The following KIF13A variants were observed in gnomAD, a reference collection of about 807,000 sequenced individuals.
The protein encoded by KIF13A is kinesin-like protein KIF13A.
In KIF13A, 79 loss-of-function variants were observed where a neutral mutation model predicts 212.2. The observed-to-expected ratio is 0.37, with a 90% confidence interval of 0.31 to 0.45. The LOEUF is 0.45. KIF13A is among the 20% of genes least tolerant of loss of function. The pLI is 1.00. For synonymous variants in KIF13A, 789 were observed against 808.6 expected, an observed-to-expected ratio of 0.98 and a Z score of 0.41; for missense variants, 1,901 against 2,209.0, an observed-to-expected ratio of 0.86 and a Z score of 2.79.
intron 16 of KIF13A, among the ~76,000 whole-genome samples, chr6:17,820,424 T>C (rs960545588): frequency 1.3e-5 from 2 of 152,150 alleles, no homozygotes; most frequent in African/African-American, 4.8e-5. Flanking sequence ...ACGGACAACT[T>C]TGATGACATT....
downstream of KIF13A, chr6:17,760,810 C>T (rs146219124): frequency 4.1e-4 from 664 of 1,605,418 alleles, 7 homozygotes; most frequent in East Asian, 0.013. Flanking sequence ...GGTGACCAGG[C>T]GAACAAAGAC....
chr6:17,847,893 CCT>C (rs1270032947), intron 9 of KIF13A, among the ~76,000 whole-genome samples: 2 of 152,048 alleles, frequency 1.3e-5, no homozygotes, highest in Admixed American at 6.6e-5. Context: ...CTCACCGCAA[CCT>C]CTGTCTCCCG....
chr6:17,837,178 T>C lies in KIF13A; in HGVS notation c.943-88A>G. 2.7e-6 allele frequency: 3 copies of C among 1,125,966 alleles called. No homozygotes were observed. The highest frequency in any genetic ancestry group is 3.9e-6 in the Non-Finnish European group (3 of 762,646). The allele number at this position is 1,125,966 out of a possible 1,614,324, so 69.7% of individuals were successfully genotyped here. A position where few individuals can be genotyped will look rare whatever the true frequency, so the allele number is the denominator to read the frequency against. ...GCACTAAATGTGTTAGGTATGACATTATTCTCTATGAAGGAAACATTATGT... is the reference window on the plus strand; with the variant it reads ...GCACTAAATGTGTTAGGTATGACATCATTCTCTATGAAGGAAACATTATGT... On this transcript the variant is annotated intron_variant, in intron 10 of 38. Transcript: ENST00000259711. This position sits in a 1 kb window ranked among gnomAD's most constrained non-coding sequence, Gnocchi z 5.4.
intron 3 of KIF13A, among the ~76,000 whole-genome samples, chr6:17,896,743 A>C (rs1287751161): frequency 6.6e-6 from 1 of 152,224 alleles, no homozygotes; most frequent in Non-Finnish European, 1.5e-5. Flanking sequence ...ACAAAGCAAT[A>C]GTGGTTTTTA....
At chr6:17,949,955 T>C (rs1435707412) in intron 2 of KIF13A, among the ~76,000 whole-genome samples, 2 of 152,126 alleles carry the variant, frequency 1.3e-5, no homozygotes, top group Non-Finnish European at 2.9e-5. Flanking sequence ...TCCTACAAAA[T>C]GCAGTCACAA....
At position 17,769,404 on chromosome 6, in the gene KIF13A, G is replaced by A. The variant is rs1211507482; in HGVS notation, c.4581+1710C>T. On this transcript the variant is annotated intron_variant, in intron 38 of 38. Transcript: ENST00000259711. This position sits in a 1 kb window ranked among gnomAD's most constrained non-coding sequence, Gnocchi z 5.8. ...CCAGCAAGAACAATAACACCATCAAGTCCTTCTTACTGTACTCCATGGTGC... is the reference window on the plus strand; with the variant it reads ...CCAGCAAGAACAATAACACCATCAAATCCTTCTTACTGTACTCCATGGTGC... Among the ~76,000 whole-genome samples, 2 of 152,112 alleles carry A rather than the reference G, an allele frequency of 1.3e-5. No individual in the cohort carries two copies. Among genetic ancestry groups the A allele is most frequent in the Admixed American group, 1.3e-4 (2 of 15,248 alleles).
At chr6:17,931,677 C>T (rs1342006703) in intron 2 of KIF13A, among the ~76,000 whole-genome samples, 4 of 152,178 alleles carry the variant, frequency 2.6e-5, no homozygotes, top group Admixed American at 1.3e-4. Flanking sequence ...TGCACCACCT[C>T]ACCTGGTTCC....
At chr6:17,851,880 A>G in intron 7 of KIF13A, 75 bp downstream of exon 7, 1 of 706,150 alleles carries the variant, frequency 1.4e-6, no homozygotes, top group Non-Finnish European at 2.2e-6. Context: ...GCATCCACAT[A>G]AAATATACTC....
intron 2 of KIF13A, among the ~76,000 whole-genome samples, chr6:17,932,953 A>T (rs78464413): frequency 0.015 from 2,307 of 152,280 alleles, 60 homozygotes; most frequent in African/African-American, 0.052. Context: ...CAGAGGAAAA[A>T]GTCAAGCTTT....
At position 17,834,250 on chromosome 6, in the gene KIF13A, G is replaced by A. The variant is rs181157325; in HGVS notation, c.1156-179C>T. The stretch of plus-strand genomic sequence containing the variant: ...CAAACGAATGTAAGAGAACATGGCT[G>A]TTCCCTGAAAAAGAAATACCAGTGT... On this transcript the variant is annotated intron_variant, in intron 11 of 38. Transcript: ENST00000259711. This position sits in a 1 kb window ranked among gnomAD's most constrained non-coding sequence, Gnocchi z 4.0. Among the ~76,000 whole-genome samples the A allele has an allele frequency of 6.6e-6, 1 of 152,286 alleles. No homozygotes were observed. The highest frequency in any genetic ancestry group is 1.9e-4 in the East Asian group (1 of 5,190).
intron 33 of KIF13A, among the ~76,000 whole-genome samples, chr6:17,778,228 G>A (rs1254492040): frequency 7.2e-5 from 11 of 152,204 alleles, no homozygotes; most frequent in Admixed American, 6.5e-4. Flanking sequence ...GGTGGACAGA[G>A]AAAATGTAGA....
chr6:17,807,106 C>T (rs554882770), intron 18 of KIF13A, among the ~76,000 whole-genome samples: 1 of 152,180 alleles, frequency 6.6e-6, no homozygotes, highest in South Asian at 2.1e-4. Context: ...GTTAACTATA[C>T]AAATTGATTA....
In KIF13A at chr6:17,809,737, A is replaced by G. The variant is rs1763270206; in HGVS notation, c.2001-807T>C. Among the ~76,000 whole-genome samples the G allele has an allele frequency of 6.6e-6, 1 of 152,162 alleles. No homozygotes were observed. Among genetic ancestry groups the G allele is most frequent in the African/African-American group, 2.4e-5 (1 of 41,426 alleles). ...ATTTCACATTTGAATCTGGGTTCTAAAGTCACTCCATCTAGCAATTGCTCT... is the reference window on the plus strand; with the variant it reads ...ATTTCACATTTGAATCTGGGTTCTAGAGTCACTCCATCTAGCAATTGCTCT... On this transcript the variant is annotated intron_variant, in intron 17 of 38. Coordinates refer to ENST00000259711, the MANE Select transcript of KIF13A (RefSeq NM_022113.6). This position sits in a 1 kb window ranked among gnomAD's most constrained non-coding sequence, Gnocchi z 4.7.
intron 2 of KIF13A, among the ~76,000 whole-genome samples, chr6:17,921,536 C>G (rs1775070136): frequency 6.6e-6 from 1 of 152,208 alleles, no homozygotes; most frequent in African/African-American, 2.4e-5. Context: ...TAAATGCAAA[C>G]AGCTGAGCTT....
intron 2 of KIF13A, among the ~76,000 whole-genome samples, chr6:17,943,776 G>A (rs1777146723): frequency 6.6e-6 from 1 of 152,036 alleles, no homozygotes; most frequent in Non-Finnish European, 1.5e-5. Flanking sequence ...ACAACTCAAC[G>A]GGGAGGCGTG....
At chr6:17,858,954 G>A (rs760859542) in intron 4 of KIF13A, among the ~76,000 whole-genome samples, 2 of 152,154 alleles carry the variant, frequency 1.3e-5, no homozygotes, top group Non-Finnish European at 2.9e-5. Context: ...GAGAAGTACT[G>A]TGGTCAAAGA....
chr6:17,781,164 G>T lies in KIF13A; in HGVS notation c.3669+13C>A, dbSNP rs149945816. 2 of 1,613,760 alleles carry T rather than the reference G, an allele frequency of 1.2e-6. No individual in the cohort carries two copies. The highest frequency in any genetic ancestry group is 8.5e-7 in the Non-Finnish European group (1 of 1,179,788). ...ATCTGAAGCCTTTTAAGAGAAACTT[G>T]GGGGTTAATTACCTCATCATCACTG... On this transcript the variant is annotated intron_variant, in intron 30 of 38. Coordinates refer to ENST00000259711, the MANE Select transcript of KIF13A (RefSeq NM_022113.6).
rs372162369 is a variant in KIF13A at position 17,780,877 on chromosome 6, C to T, written c.3699G>A (p.Ser1233=). The change falls in exon 31 of 39, where the codon TCG becomes TCA. Residue 1233 remains serine (S), a synonymous_variant. Transcript: ENST00000259711. ...TATTCAAGTGAACAGAATCATGCACCGAGGAATCCCAAGAGGCTGTGGCTG... is the reference window on the plus strand; with the variant it reads ...TATTCAAGTGAACAGAATCATGCACTGAGGAATCCCAAGAGGCTGTGGCTG... ...EVSATASWDS[S]VHDSVHLNRV... is the part of the protein sequence containing the mutation. 202 of 1,613,658 alleles carry T rather than the reference C, an allele frequency of 1.3e-4. No homozygotes were observed. The highest frequency in any genetic ancestry group is 1.5e-4 in the Non-Finnish European group (174 of 1,179,760).
chr6:17,772,796 T>C lies in KIF13A; in HGVS notation c.4324+682A>G, dbSNP rs565636537. On this transcript the variant is annotated intron_variant, in intron 36 of 38. Coordinates refer to ENST00000259711, the MANE Select transcript of KIF13A (RefSeq NM_022113.6). The surrounding 1 kb of genome is among the most constrained non-coding windows in gnomAD (Gnocchi z 4.8). ...TGAATTAATACTGTGTAAATTTTCT[T>C]GCGAGCCTCTTTTTTTCCCCCTCAG... Among the ~76,000 whole-genome samples the C allele has an allele frequency of 4.6e-3, 648 of 140,986 alleles. 9 individuals are homozygous for C. Among genetic ancestry groups the C allele is most frequent in the African/African-American group, 0.015 (600 of 40,978 alleles). 92.5% of individuals were successfully genotyped at this position (140,986 alleles called of 152,430 possible).
Sources: gnomAD v4.1 joint callset for allele counts (sites outside exome capture counted in the v4.1 genomes callset) on GRCh38, gnomAD v4.1.1 for gene constraint, Gnocchi (gnomAD v3.1) non-coding constraint, MANE v1.5 for transcripts, NCBI Gene and HGNC (gene_info 2026-07-23, HGNC 2026-07-21) for gene names.